Variants in RHOBTB3 observed in about 807,000 individuals in gnomAD.
RHOBTB3 encodes rho-related BTB domain-containing protein 3.
In RHOBTB3, 47 loss-of-function variants were observed where a neutral mutation model predicts 67.2. The ratio of observed to expected loss-of-function variants is 0.70; its 90% CI spans 0.55 to 0.89. RHOBTB3 has a LOEUF of 0.89. Ranked by LOEUF, RHOBTB3 falls within the 40% of genes least tolerant of loss-of-function variation. RHOBTB3 has a pLI of 0.00. For synonymous variants in RHOBTB3, 273 were observed against 274.2 expected (o/e 1.00, Z 0.04); for missense variants, 631 against 750.0 (o/e 0.84, Z 1.85).
At chr5:95,783,990 C>G (rs1023299563) in intron 10 of RHOBTB3, 27 bp downstream of exon 10, 1 of 1,511,246 alleles carries the variant, frequency 6.6e-7, no homozygotes, top group African/African-American at 1.4e-5. Flanking sequence ...ATCTGATAGC[C>G]TAGTTTTTTA....
rs771218932 is a variant in RHOBTB3, at chr5:95,793,490, A to G, written c.*316A>G. The G allele has an allele frequency of 5.3e-6, 1 of 187,066 alleles. No homozygotes were observed. Among genetic ancestry groups the G allele is most frequent in the Non-Finnish European group, 1.1e-5 (1 of 90,696 alleles). 11.6% of individuals were successfully genotyped at this position (187,066 alleles called of 1,614,324 possible). On this transcript the variant is annotated 3_prime_UTR_variant, in exon 12 of 12. Transcript: ENST00000379982. ...AGTTAAGAAATGCTTAGATTAAAAA[A>G]AAAAAATTACGTAGGATTAATACAG...
Position 95,794,239 on chromosome 5 carries a change from G to C in RHOBTB3, c.*1065G>C. On this transcript the variant is annotated 3_prime_UTR_variant, in exon 12 of 12. Transcript: ENST00000379982. ...TTTCTTGATCATTCTGTAAGACCAG[G>C]AGGTTGGTAAGAGTGACTAACCAGC... 1 of 281,446 alleles carries C rather than the reference G, an allele frequency of 3.6e-6. No homozygotes were observed. The allele number at this position is 281,446 out of a possible 1,614,324, so 17.4% of individuals were successfully genotyped here. A position where few individuals can be genotyped will look rare whatever the true frequency, so the allele number is the denominator to read the frequency against.
upstream of RHOBTB3, chr5:95,730,924 G>T (rs113054286): frequency 3.1e-5 from 14 of 456,630 alleles, no homozygotes; most frequent in South Asian, 1.6e-4. Context: ...AAGGCCAAGA[G>T]GGGGGGAAAT....
intron 10 of RHOBTB3, among the ~76,000 whole-genome samples, chr5:95,784,776 C>T (rs531404885): frequency 6.6e-6 from 1 of 152,324 alleles, no homozygotes; most frequent in South Asian, 2.1e-4. Context: ...TTCCCACTTT[C>T]TTTCATTCCT....
At chr5:95,723,149 A>G (rs993009683) in intron 1 of RHOBTB3, among the ~76,000 whole-genome samples, 2 of 152,184 alleles carry the variant, frequency 1.3e-5, no homozygotes, top group African/African-American at 4.8e-5. Context: ...GGCCACACAT[A>G]AACTACACTA....
intron 2 of RHOBTB3, among the ~76,000 whole-genome samples, chr5:95,736,539 C>T (rs1363951345): frequency 6.6e-6 from 1 of 152,160 alleles, no homozygotes; most frequent in Non-Finnish European, 1.5e-5. Flanking sequence ...GTTGCTCTTC[C>T]ATCTAATGCC....
chr5:95,756,552 G>T (rs1364532613), intron 6 of RHOBTB3, among the ~76,000 whole-genome samples: 2 of 152,130 alleles, frequency 1.3e-5, no homozygotes, highest in Non-Finnish European at 2.9e-5. Context: ...GGATCACATG[G>T]TAATTCTGTT....
At chr5:95,776,657 A>G (rs1233953040) in intron 8 of RHOBTB3, among the ~76,000 whole-genome samples, 1 of 152,214 alleles carries the variant, frequency 6.6e-6, no homozygotes, top group Non-Finnish European at 1.5e-5. Flanking sequence ...ATGAGGTGGT[A>G]GTGCCATGGG....
intron 1 of RHOBTB3, among the ~76,000 whole-genome samples, chr5:95,721,115 C>G (rs375064103): frequency 1.8e-4 from 28 of 152,250 alleles, no homozygotes; most frequent in East Asian, 1.7e-3. Flanking sequence ...GGCAAAAAAC[C>G]TTGGCAAGAT....
At chr5:95,753,261 GTGTGTCTT>G (rs942346648) in intron 5 of RHOBTB3, among the ~76,000 whole-genome samples, 4 of 149,282 alleles carry the variant, frequency 2.7e-5, no homozygotes, top group Non-Finnish European at 5.9e-5. Flanking sequence ...GTGTGTGTGT[GTGTGTCTT>G]TCTGTCTCTC....
At chr5:95,758,047 A>T (rs1208110799) in intron 6 of RHOBTB3, among the ~76,000 whole-genome samples, 1 of 152,232 alleles carries the variant, frequency 6.6e-6, no homozygotes, top group Non-Finnish European at 1.5e-5. Flanking sequence ...TTGAAATTAC[A>T]TGAATTATTC....
intron 6 of RHOBTB3, chr5:95,756,187 A>AC: frequency 6.3e-6 from 1 of 159,100 alleles, no homozygotes; most frequent in Non-Finnish European, 1.4e-5. Context: ...AGCCCCTGAC[A>AC]GCCACCATTC....
At position 95,780,328 on chromosome 5, in the gene RHOBTB3, C is replaced by G. The variant is rs767418081; in HGVS notation, c.1359C>G (p.Tyr453Ter). ...TGGCAGCCATGTTTAATGGTAATTA[C>G]ATGGAAGCAAAGAGTGTCCTGATTC... ...EVMAAMFNGN[Y>*]MEAKSVLIPV... The change falls in exon 9 of 12, where the codon TAC (tyrosine) becomes TAG (stop). Residue 453 changes from tyrosine (Y) to a stop codon, truncating the protein, a stop_gained. Coordinates refer to ENST00000379982, the MANE Select transcript of RHOBTB3 (RefSeq NM_014899.4). LOFTEE classifies it high-confidence loss of function. 8.1e-6 allele frequency: 13 copies of G among 1,613,828 alleles called. No individual in the cohort carries two copies. In the Admixed American group the frequency reaches 2.0e-4, roughly 25 times the overall value.
chr5:95,759,217 T>A lies in RHOBTB3; in HGVS notation c.1048+3456T>A, dbSNP rs558500760. On this transcript the variant is annotated intron_variant, in intron 6 of 11. Transcript: ENST00000379982. The stretch of plus-strand genomic sequence containing the variant: ...ACACTGACCCGTCCCATTTCGGCTG[T>A]GATCTCTCCTTGTACGTCACGGCCA... 3.3e-5 allele frequency among the ~76,000 whole-genome samples: 5 copies of A among 152,356 alleles called. No individual in the cohort carries two copies. The East Asian group carries it at 9.6e-4, about 29-fold the overall frequency.
intron 7 of RHOBTB3, among the ~76,000 whole-genome samples, chr5:95,766,994 G>A (rs541477452): frequency 3.9e-5 from 6 of 152,198 alleles, no homozygotes; most frequent in South Asian, 2.1e-4. Context: ...CAAGGTAGGC[G>A]GATTGCCTGA....
In RHOBTB3 at chr5:95,743,190, A is replaced by C. The variant is rs184451812; in HGVS notation, c.416-5143A>C. ...TTAAGATGGCATTATAAGTCGTTCT[A>C]CTTGATGAGATTTTATTTTATGGTA... On this transcript the variant is annotated intron_variant, in intron 3 of 11. Transcript: ENST00000379982. Among the ~76,000 whole-genome samples the C allele has an allele frequency of 3.2e-3, 489 of 152,338 alleles. 5 individuals are homozygous for C. The highest frequency in any genetic ancestry group is 4.2e-3 in the Non-Finnish European group (284 of 68,024).
intron 8 of RHOBTB3, chr5:95,769,652 A>C (rs1263058320): frequency 1.2e-5 from 2 of 167,064 alleles, no homozygotes; most frequent in Non-Finnish European, 2.6e-5. Flanking sequence ...GTACCTTATT[A>C]ATACATCAAA....
chr5:95,780,353 C>G lies in RHOBTB3; in HGVS notation c.1384C>G (p.Pro462Ala). ...CATGGAAGCAAAGAGTGTCCTGATTCCCGTTTATGGTGTTTCCAAAGAGAC... is the reference window on the plus strand; with the variant it reads ...CATGGAAGCAAAGAGTGTCCTGATTGCCGTTTATGGTGTTTCCAAAGAGAC... ...NYMEAKSVLI[P>A]VYGVSKETFL... The change falls in exon 9 of 12, where the codon CCC (proline) becomes GCC (alanine). Residue 462 changes from proline to alanine, a missense_variant. By Grantham distance (27) the Pro-to-Ala change is conservative. Transcript: ENST00000379982. The G allele has an allele frequency of 1.9e-6, 3 of 1,613,986 alleles. No homozygotes were observed. Among genetic ancestry groups the G allele is most frequent in the Non-Finnish European group, 2.5e-6 (3 of 1,179,862 alleles).
chr5:95,791,220 G>A (rs1746376306), intron 11 of RHOBTB3, among the ~76,000 whole-genome samples: 1 of 152,122 alleles, frequency 6.6e-6, no homozygotes, highest in African/African-American at 2.4e-5. Context: ...ATCAAAAAGT[G>A]AGACTGGAAA....
Sources: allele counts gnomAD v4.1 joint callset (sites outside exome capture counted in the v4.1 genomes callset), GRCh38; gene constraint gnomAD v4.1.1; transcripts MANE v1.5; gene names NCBI Gene and HGNC (gene_info 2026-07-23, HGNC 2026-07-21).